Variants in CNGA2 observed in about 807,000 individuals in gnomAD.
CNGA2 encodes the protein cyclic nucleotide gated channel subunit alpha 2.
In CNGA2, 22 loss-of-function variants were observed where a neutral mutation model predicts 35.9. That is an observed-to-expected ratio of 0.61 (90% CI 0.44 to 0.88). The LOEUF is 0.88. Among genes scored for constraint, CNGA2 ranks in the 40% least tolerant of loss-of-function variants. CNGA2 has a pLI of 0.00. For synonymous variants in CNGA2, 217 were observed against 209.2 expected (o/e 1.04, Z -0.32); for missense variants, 555 against 530.8 (o/e 1.05, Z -0.45).
In CNGA2 at chrX:151,738,789, C is replaced by T. The variant is rs755429961; in HGVS notation, c.113C>T (p.Pro38Leu). 3 of 1,165,301 alleles carry T rather than the reference C, an allele frequency of 2.6e-6. No individual in the cohort carries two copies. The highest frequency in any genetic ancestry group is 3.4e-6 in the Non-Finnish European group (3 of 870,290). Residue 38 changes from proline (P) to leucine (L), a missense_variant and splice_region_variant, in exon 3 of 7, where the codon CCA (proline) becomes CTA (leucine). Transcript: ENST00000329903. ...CAATTCTGCTCTTTTTTCTGCAGGC[C>T]ACACTCTGCAGCTGACGATGACACC... ...GKDDHRTSSR[P>L]HSAADDDTSS... is the part of the protein sequence containing the mutation.
rs1556285196 is a variant in CNGA2, at chrX:151,742,990, A to ATGTATATATGTGTGTGTG, written c.590-100_590-99insATATATGTGTGTGTGTGT. ...TATATATGTATATATATACATATAT[A>ATGTATATATGTGTGTGTG]TGTGTATATATATATACACATATAT... On this transcript the variant is annotated intron_variant, in intron 6 of 6. Transcript: ENST00000329903. The ATGTATATATGTGTGTGTG allele has an allele frequency of 7.9e-4, 18 of 22,902 alleles. 1 individual carries two copies. Among genetic ancestry groups the ATGTATATATGTGTGTGTG allele is most frequent in the Non-Finnish European group, 1.3e-3 (15 of 11,653 alleles). 1.9% of individuals were successfully genotyped at this position (22,902 alleles called of 1,213,427 possible).
rs2015363090 is a variant in CNGA2 at position 151,745,047 on chromosome X, CT to C, written c.*550del. 1 of 112,400 alleles carries C rather than the reference CT, an allele frequency of 8.9e-6. No homozygotes were observed. The highest frequency in any genetic ancestry group is 3.8e-4 in the South Asian group (1 of 2,632). 9.3% of individuals were successfully genotyped at this position (112,400 alleles called of 1,213,427 possible). A position where few individuals can be genotyped will look rare whatever the true frequency, so the allele number is the denominator to read the frequency against. On this transcript the variant is annotated 3_prime_UTR_variant, in exon 7 of 7. Transcript: ENST00000329903. ...CTCTGTAGATTGATCTGTCTGTCTG[CT>C]AGCCAGGATGGGATCTCTGCAGTCT...
chrX:151,737,001 C>T (rs1420722719), intron 1 of CNGA2, among the ~76,000 whole-genome samples: 2 of 111,731 alleles, frequency 1.8e-5, no homozygotes, highest in East Asian at 5.7e-4. Flanking sequence ...TGGTTCCTTT[C>T]CCTCAAGTGC....
intron 5 of CNGA2, 99 bp from the exon 6 acceptor site, chrX:151,742,437 A>G: frequency 3.6e-6 from 2 of 552,400 alleles, no homozygotes; most frequent in Non-Finnish European, 6.0e-6. Flanking sequence ...TGCCCCTGGT[A>G]GCCATCCCAA....
chrX:151,743,974 A>T lies in CNGA2; in HGVS notation c.1471A>T (p.Met491Leu), dbSNP rs2015346185. Reference protein sequence around the residue: ...ICRKGDIGKEMYIIKEGKLAV... With the variant: ...ICRKGDIGKELYIIKEGKLAV... Reference sequence around the variant, plus strand: ...CCGCAAAGGGGACATCGGCAAGGAGATGTACATCATTAAGGAGGGCAAACT... The same window carrying T: ...CCGCAAAGGGGACATCGGCAAGGAGTTGTACATCATTAAGGAGGGCAAACT... The change falls in exon 7 of 7, where the codon ATG becomes TTG. Residue 491 changes from methionine (M) to leucine (L), a missense_variant. Transcript: ENST00000329903. The T allele has an allele frequency of 2.5e-6, 3 of 1,211,271 alleles. No individual in the cohort carries two copies. Among genetic ancestry groups the T allele is most frequent in the Non-Finnish European group, 3.4e-6 (3 of 895,442 alleles).
chrX:151,735,857 C>A (rs900598469), intron 1 of CNGA2, among the ~76,000 whole-genome samples: 2 of 110,940 alleles, frequency 1.8e-5, no homozygotes, highest in African/African-American at 6.6e-5. Flanking sequence ...TCCCCTCCTA[C>A]TCCTCGCTTG....
rs2015282070 is a variant in CNGA2 at position 151,739,566 on chromosome X, G to A, written c.208G>A (p.Val70Ile). Residue 70 changes from valine (V) to isoleucine (I), a missense_variant, in exon 4 of 7, where the codon GTT becomes ATT. By Grantham distance (29) the Val-to-Ile change is conservative (BLOSUM62 3). Transcript: ENST00000329903. ...CTCTTTTTCTCTCACCTCTAGGATA[G>A]TTCGCCTGGTGGGGATCATCAGAGA... Reference protein sequence around the residue: ...QQGRSGFRRIVRLVGIIREWA... With the variant: ...QQGRSGFRRIIRLVGIIREWA... 5.8e-6 allele frequency: 7 copies of A among 1,211,112 alleles called. No homozygotes were observed. Among genetic ancestry groups the A allele is most frequent in the Non-Finnish European group, 7.8e-6 (7 of 895,129 alleles).
chrX:151,735,893 G>C (rs2015243047), intron 1 of CNGA2, among the ~76,000 whole-genome samples: 1 of 110,610 alleles, frequency 9.0e-6, no homozygotes, highest in African/African-American at 3.3e-5. Context: ...AGCTCTGTTT[G>C]ACCACCACTC....
Position 151,743,945 on chromosome X carries a change from TTTG to T in CNGA2, c.1443_1445del (p.Cys482del). 1 of 1,211,035 alleles carries T rather than the reference TTTG, an allele frequency of 8.3e-7. No individual in the cohort carries two copies. The highest frequency in any genetic ancestry group is 3.0e-5 in the East Asian group (1 of 33,816). ...CAGGTCTTCAGTCCTGGGGATTACA[TTTG>T]CCGCAAAGGGGACATCGGCAAGGAG... On this transcript the variant is annotated inframe_deletion, in exon 7 of 7. Coordinates refer to ENST00000329903, the MANE Select transcript of CNGA2 (RefSeq NM_005140.3).
intron 3 of CNGA2, among the ~76,000 whole-genome samples, chrX:151,739,304 T>C (rs371894507): frequency 8.9e-6 from 1 of 112,229 alleles, no homozygotes; most frequent in Non-Finnish European, 1.9e-5. Flanking sequence ...TCAACTGAGA[T>C]GGCACTTCCT....
At chrX:151,742,735 G>A (rs2015318513) in intron 6 of CNGA2, 93 bp downstream of exon 6, 4 of 626,543 alleles carry the variant, frequency 6.4e-6, no homozygotes, top group Admixed American at 5.2e-5. Flanking sequence ...AAATTGCTTG[G>A]GTGGGACTCT....
At chrX:151,741,103 G>T (rs897543358) in intron 5 of CNGA2, among the ~76,000 whole-genome samples, 1 of 112,106 alleles carries the variant, frequency 8.9e-6, no homozygotes, top group African/African-American at 3.3e-5. Context: ...CACCTAGGGT[G>T]CATCCTCCAC....
intron 1 of CNGA2, among the ~76,000 whole-genome samples, 86 bp downstream of exon 1, chrX:151,735,029 C>T (rs373282803): frequency 5.4e-5 from 6 of 111,656 alleles, no homozygotes; most frequent in East Asian, 2.8e-4. Context: ...ATATGATGAA[C>T]TTGTTCCTTC....
intron 4 of CNGA2, 114 bp from the exon 5 acceptor site, chrX:151,740,680 A>G: frequency 1.7e-6 from 1 of 588,162 alleles, no homozygotes; most frequent in East Asian, 3.3e-5. Context: ...TTCACCCCAC[A>G]TATACCCTTC....
chrX:151,744,626 T>C lies in CNGA2; in HGVS notation c.*128T>C. ...CCCTGAATTCTCCCAAAAGCCTCTC[T>C]GACCCTGGGTTTTTGGCCTAAACAT... On this transcript the variant is annotated 3_prime_UTR_variant, in exon 7 of 7. Coordinates refer to ENST00000329903, the MANE Select transcript of CNGA2 (RefSeq NM_005140.3). 1 of 615,581 alleles carries C rather than the reference T, an allele frequency of 1.6e-6. No individual in the cohort carries two copies. 50.7% of individuals were successfully genotyped at this position (615,581 alleles called of 1,213,427 possible).
chrX:151,740,730 G>C (rs2015296086), intron 4 of CNGA2, 64 bp from the exon 5 acceptor site: 2 of 888,344 alleles, frequency 2.3e-6, no homozygotes, highest in Non-Finnish European at 3.3e-6. Context: ...TGGTTTCTGG[G>C]AGCTGGGGTG....
chrX:151,739,768 T>C, intron 4 of CNGA2, 36 bp downstream of exon 4: 1 of 1,187,518 alleles, frequency 8.4e-7, no homozygotes, highest in Non-Finnish European at 1.1e-6. Context: ...CAAATGGGCT[T>C]TAAGCATGCA....
At chrX:151,735,925 G>T (rs1399430975) in intron 1 of CNGA2, among the ~76,000 whole-genome samples, 1 of 110,974 alleles carries the variant, frequency 9.0e-6, no homozygotes, top group Non-Finnish European at 1.9e-5. Context: ...TCTTGATAAG[G>T]TCCCCAGCGA....
Position 151,744,688 on chromosome X carries a change from G to C in CNGA2, c.*190G>C. ...CCTCCAAGTTTAGCCCAAGTTTGTG[G>C]AGAGTACAGACTGCGTTGGCTGGGC... On this transcript the variant is annotated 3_prime_UTR_variant, in exon 7 of 7. Coordinates refer to ENST00000329903, the MANE Select transcript of CNGA2 (RefSeq NM_005140.3). 1 of 416,234 alleles carries C rather than the reference G, an allele frequency of 2.4e-6. No individual in the cohort carries two copies. The highest frequency in any genetic ancestry group is 3.8e-5 in the East Asian group (1 of 26,433). The allele number at this position is 416,234 out of a possible 1,213,427, so 34.3% of individuals were successfully genotyped here. A position where few individuals can be genotyped will look rare whatever the true frequency, so the allele number is the denominator to read the frequency against.
Sources: allele counts gnomAD v4.1 joint callset (sites outside exome capture counted in the v4.1 genomes callset), GRCh38; gene constraint gnomAD v4.1.1; transcripts MANE v1.5; gene names NCBI Gene and HGNC (gene_info 2026-07-23, HGNC 2026-07-21).